CSMD1: variants seen among roughly 807,000 people sequenced by gnomAD.
CSMD1 encodes the protein CUB and sushi domain-containing protein 1.
Under a neutral mutation model 417.5 loss-of-function variants are expected in CSMD1, and 213 were observed. That is an observed-to-expected ratio of 0.51 (90% CI 0.46 to 0.57). The LOEUF is 0.57. Ranked by LOEUF, CSMD1 falls within the 20% of genes least tolerant of loss-of-function variation. CSMD1 has a pLI of 0.00. For missense variants in CSMD1, 6,923 were observed against 4,529.7 expected (o/e 1.53, Z -15.17); for synonymous variants, 2,862 against 1,736.8 (o/e 1.65, Z -16.11).
At chr8:4,237,125 G>T (rs1249369686) in intron 3 of CSMD1, among the ~76,000 whole-genome samples, 2 of 152,084 alleles carry the variant, frequency 1.3e-5, no homozygotes, top group African/African-American at 4.8e-5. Flanking sequence ...TAGCTACTTT[G>T]CACGGAAGCC....
chr8:4,416,403 G>C (rs1390096309), intron 3 of CSMD1, among the ~76,000 whole-genome samples: 1 of 151,882 alleles, frequency 6.6e-6, no homozygotes, highest in Non-Finnish European at 1.5e-5. Flanking sequence ...TTAAATTATT[G>C]AAGTCCATGT....
intron 1 of CSMD1, among the ~76,000 whole-genome samples, chr8:4,849,255 G>A (rs1372336227): frequency 2.0e-5 from 3 of 152,112 alleles, no homozygotes; most frequent in Admixed American, 6.6e-5. Flanking sequence ...TTGTACACCT[G>A]TGCATGTGTT....
intron 5 of CSMD1, among the ~76,000 whole-genome samples, chr8:3,873,702 T>A (rs1396198918): frequency 6.6e-6 from 1 of 151,934 alleles, no homozygotes; most frequent in African/African-American, 2.4e-5. Context: ...AAATAAAAGT[T>A]AAAAATAAAT....
intron 52 of CSMD1, among the ~76,000 whole-genome samples, chr8:3,014,622 G>T (rs368967872): frequency 6.6e-6 from 1 of 152,212 alleles, no homozygotes; most frequent in South Asian, 2.1e-4. Flanking sequence ...TCTTTGGGGC[G>T]TGCCAGTTTC....
At chr8:4,297,898 A>G (rs897096083) in intron 3 of CSMD1, among the ~76,000 whole-genome samples, 1 of 152,242 alleles carries the variant, frequency 6.6e-6, no homozygotes, top group Non-Finnish European at 1.5e-5. Flanking sequence ...GAATGTTTTA[A>G]AAGTATATAA....
chr8:4,321,283 T>C (rs977778072), intron 3 of CSMD1, among the ~76,000 whole-genome samples: 21 of 152,140 alleles, frequency 1.4e-4, no homozygotes, highest in African/African-American at 5.1e-4. Flanking sequence ...TGTTGGTATG[T>C]TCAGAGCTGA....
chr8:4,652,571 G>A (rs1384654734), intron 1 of CSMD1, among the ~76,000 whole-genome samples: 1 of 152,000 alleles, frequency 6.6e-6, no homozygotes, highest in Non-Finnish European at 1.5e-5. Context: ...AGAATCGCTT[G>A]AACCCGGGAG....
At chr8:3,076,518 C>G (rs1343536172) in intron 49 of CSMD1, among the ~76,000 whole-genome samples, 1 of 152,236 alleles carries the variant, frequency 6.6e-6, no homozygotes, top group Non-Finnish European at 1.5e-5. Context: ...GACTTTCTAT[C>G]TCTGGTGCCA....
rs1347784342 is a variant in CSMD1, at chr8:2,966,553, G to A, written c.9100+17C>T. 2 of 1,607,964 alleles carry A rather than the reference G, an allele frequency of 1.2e-6. No individual in the cohort carries two copies. Among genetic ancestry groups the A allele is most frequent in the Non-Finnish European group, 8.5e-7 (1 of 1,175,362 alleles). ...TCATAGTAACGTCTGAGTCTACCAT[G>A]ATGTCTGCTTACTAACTTGTGCAGT... is the stretch of plus-strand genomic sequence containing the variant. On this transcript the variant is annotated intron_variant, in intron 58 of 69. Transcript: ENST00000635120.
chr8:3,378,083 A>G (rs1389851969), intron 18 of CSMD1, among the ~76,000 whole-genome samples: 1 of 152,176 alleles, frequency 6.6e-6, no homozygotes, highest in East Asian at 1.9e-4. Flanking sequence ...GAAGAAGGGT[A>G]TTGAATATTG....
chr8:3,260,776 A>G (rs1801002073), intron 26 of CSMD1, among the ~76,000 whole-genome samples: 1 of 152,208 alleles, frequency 6.6e-6, no homozygotes, highest in Non-Finnish European at 1.5e-5. Flanking sequence ...CACAATCCAT[A>G]AAAGCCAAAA....
At chr8:3,599,316 G>C (rs117830951) in intron 8 of CSMD1, among the ~76,000 whole-genome samples, 3 of 152,196 alleles carry the variant, frequency 2.0e-5, no homozygotes. Context: ...GAACACCTGA[G>C]ATCTACCCTC....
At chr8:4,366,274 G>A (rs1030491909) in intron 3 of CSMD1, among the ~76,000 whole-genome samples, 7 of 147,664 alleles carry the variant, frequency 4.7e-5, no homozygotes, top group Non-Finnish European at 1.0e-4. Context: ...TCTGTTTTAT[G>A]GCTGCATAGT....
intron 3 of CSMD1, among the ~76,000 whole-genome samples, chr8:4,275,829 A>T (rs1414646830): frequency 6.6e-6 from 1 of 152,198 alleles, no homozygotes; most frequent in Non-Finnish European, 1.5e-5. Context: ...AATGAAAGTG[A>T]TATTGTTATA....
chr8:4,726,785 A>C (rs145406050), intron 1 of CSMD1, among the ~76,000 whole-genome samples: 29 of 152,344 alleles, frequency 1.9e-4, no homozygotes, highest in African/African-American at 7.0e-4. Context: ...GGCTTGTATT[A>C]AAAATTGCAA....
chr8:3,375,135 C>G (rs532354011), intron 18 of CSMD1: 2 of 152,186 alleles, frequency 1.3e-5, no homozygotes, highest in African/African-American at 2.4e-5. Context: ...ATGTTAAACA[C>G]TGACCTCGTT....
chr8:3,154,761 A>G lies in CSMD1; in HGVS notation c.5914+3136T>C, dbSNP rs1423650059. ...TTAAATTCTGAGAACACTGCTTGAT[A>G]TATTAACCTCTAGAGAAGTGGTTTT... is the stretch of plus-strand genomic sequence containing the variant. On this transcript the variant is annotated intron_variant, in intron 39 of 69. Transcript: ENST00000635120. Among the ~76,000 whole-genome samples the G allele has an allele frequency of 2.7e-4, 41 of 152,180 alleles. 1 individual carries two copies. Among genetic ancestry groups the G allele is most frequent in the Admixed American group, 2.7e-3 (41 of 15,282 alleles).
rs1410820658 is a variant in CSMD1, at chr8:3,396,282, C to G, written c.2505G>C (p.Gln835His). Reference protein sequence around the residue: ...IGEYHGTQAPQFLISTGNFMY... With the variant: ...IGEYHGTQAPHFLISTGNFMY... Reference sequence around the variant, plus strand: ...TGAAGTTCCCGGTGCTGATGAGGAACTGGGGTGCCTGGGTGCCGTGGTACT... The same window carrying G: ...TGAAGTTCCCGGTGCTGATGAGGAAGTGGGGTGCCTGGGTGCCGTGGTACT... The change falls in exon 17 of 70, where the codon CAG (glutamine) becomes CAC (histidine). Residue 835 changes from glutamine to histidine, a missense_variant. Coordinates refer to ENST00000635120, the MANE Select transcript of CSMD1 (RefSeq NM_033225.6). 1 of 1,600,070 alleles carries G rather than the reference C, an allele frequency of 6.2e-7. No homozygotes were observed. The highest frequency in any genetic ancestry group is 8.5e-7 in the Non-Finnish European group (1 of 1,173,184).
chr8:4,112,711 T>A (rs570139837), intron 3 of CSMD1, among the ~76,000 whole-genome samples: 126 of 152,334 alleles, frequency 8.3e-4, no homozygotes, highest in African/African-American at 3.0e-3. Context: ...GCAAGTGATA[T>A]GGAGATTTAA....
Sources: gnomAD v4.1 joint callset for allele counts (sites outside exome capture counted in the v4.1 genomes callset) on GRCh38, gnomAD v4.1.1 for gene constraint, MANE v1.5 for transcripts, NCBI Gene and HGNC (gene_info 2026-07-23, HGNC 2026-07-21) for gene names.